TRAPPC9: variants seen among roughly 807,000 people sequenced by gnomAD.
The protein encoded by TRAPPC9 is trafficking protein particle complex subunit 9.
A neutral mutation model predicts 124.0 loss-of-function variants in TRAPPC9; 83 were observed. That is an observed-to-expected ratio of 0.67 (90% CI 0.56 to 0.80). The LOEUF is 0.80. Among genes scored for constraint, TRAPPC9 ranks in the 30% least tolerant of loss-of-function variants. The pLI is 0.00. For synonymous variants in TRAPPC9, 638 were observed against 617.5 expected, an observed-to-expected ratio of 1.03 and a Z score of -0.49; for missense variants, 1,302 against 1,508.3, an observed-to-expected ratio of 0.86 and a Z score of 2.27.
chr8:139,841,218 C>T (rs568315009), intron 21 of TRAPPC9, among the ~76,000 whole-genome samples: 185 of 152,318 alleles, frequency 1.2e-3, no homozygotes, highest in African/African-American at 4.3e-3. Context: ...TCTTCTGCCT[C>T]CCTCTTCTCC....
chr8:140,189,129 C>T (rs2062422042), intron 17 of TRAPPC9, among the ~76,000 whole-genome samples: 1 of 152,236 alleles, frequency 6.6e-6, no homozygotes, highest in African/African-American at 2.4e-5. Context: ...AAACTGCCTT[C>T]TGCAAAATTG....
intron 18 of TRAPPC9, among the ~76,000 whole-genome samples, chr8:139,995,021 T>C (rs1302674081): frequency 6.6e-6 from 1 of 151,566 alleles, no homozygotes; most frequent in East Asian, 1.9e-4. Context: ...CTGGAAAAGA[T>C]GGAGTAAGCA....
At chr8:140,026,056 C>A (rs1051853271) in intron 17 of TRAPPC9, among the ~76,000 whole-genome samples, 1 of 152,174 alleles carries the variant, frequency 6.6e-6, no homozygotes, top group African/African-American at 2.4e-5. Flanking sequence ...TTTTGTCTTC[C>A]TGAATTTGAC....
Position 140,216,439 on chromosome 8 carries a change from T to C in TRAPPC9, c.2556+5020A>G, listed in dbSNP as rs2063196388. On this transcript the variant is annotated intron_variant, in intron 17 of 22. Coordinates refer to ENST00000438773, the MANE Select transcript of TRAPPC9 (RefSeq NM_001160372.4). This position sits in a 1 kb window ranked among gnomAD's most constrained non-coding sequence, Gnocchi z 4.1. The stretch of plus-strand genomic sequence containing the variant: ...AGAGCATCTCCTAGATTTTGAAATG[T>C]TACCCTAAACTGTAAGAGCCTATCC... Among the ~76,000 whole-genome samples, 1 of 152,160 alleles carries C rather than the reference T, an allele frequency of 6.6e-6. No individual in the cohort carries two copies. The highest frequency in any genetic ancestry group is 2.4e-5 in the African/African-American group (1 of 41,430).
chr8:140,117,493 CT>C (rs2060910548), intron 17 of TRAPPC9, among the ~76,000 whole-genome samples: 1 of 152,126 alleles, frequency 6.6e-6, no homozygotes, highest in African/African-American at 2.4e-5. Context: ...ACGCTGGTTC[CT>C]CACATGACAG....
chr8:140,286,228 C>T (rs542695286), intron 13 of TRAPPC9, among the ~76,000 whole-genome samples: 6 of 152,220 alleles, frequency 3.9e-5, no homozygotes, highest in African/African-American at 7.2e-5. Context: ...AAAGAGTCTT[C>T]GGAGACTGAA....
intron 21 of TRAPPC9, among the ~76,000 whole-genome samples, chr8:139,845,259 G>A (rs1226919037): frequency 1.3e-5 from 2 of 152,228 alleles, no homozygotes; most frequent in Non-Finnish European, 2.9e-5. Flanking sequence ...TGGGGAGGGG[G>A]AAAGGAGCTG....
At chr8:139,751,103 C>G (rs1429033108) in intron 21 of TRAPPC9, among the ~76,000 whole-genome samples, 1 of 152,150 alleles carries the variant, frequency 6.6e-6, no homozygotes, top group Non-Finnish European at 1.5e-5. Flanking sequence ...AATCAATACG[C>G]CATTTAAAAT....
intron 18 of TRAPPC9, among the ~76,000 whole-genome samples, chr8:139,998,753 A>G (rs1212609217): frequency 6.6e-6 from 1 of 152,166 alleles, no homozygotes; most frequent in Non-Finnish European, 1.5e-5. Context: ...AAACAAAACA[A>G]AAAAAAACAA....
chr8:140,190,159 A>C (rs1476595605), intron 17 of TRAPPC9, among the ~76,000 whole-genome samples: 2 of 152,292 alleles, frequency 1.3e-5, no homozygotes, highest in Non-Finnish European at 2.9e-5. Flanking sequence ...CTATAATAAC[A>C]ACCACCACTA....
chr8:140,326,614 G>T (rs531520188), intron 9 of TRAPPC9, among the ~76,000 whole-genome samples: 3 of 152,152 alleles, frequency 2.0e-5, no homozygotes, highest in African/African-American at 7.2e-5. Context: ...GATGGCTCAC[G>T]CCTGTAATCC....
intron 21 of TRAPPC9, among the ~76,000 whole-genome samples, chr8:139,884,933 G>A (rs1829907419): frequency 6.6e-6 from 1 of 152,208 alleles, no homozygotes; most frequent in African/African-American, 2.4e-5. Context: ...CAGGCTGAAG[G>A]GCGCTGGTGG....
At chr8:139,991,276 G>T (rs1206977020) in intron 18 of TRAPPC9, among the ~76,000 whole-genome samples, 1 of 152,196 alleles carries the variant, frequency 6.6e-6, no homozygotes, top group Admixed American at 6.5e-5. Context: ...TTACGAAATG[G>T]CACAGGAATG....
At chr8:139,963,521 G>A (rs964757994) in intron 19 of TRAPPC9, among the ~76,000 whole-genome samples, 5 of 152,042 alleles carry the variant, frequency 3.3e-5, no homozygotes, top group Non-Finnish European at 4.4e-5. Flanking sequence ...TGGGAGACTC[G>A]TCCTTTCAGT....
rs1840508040 is a variant in TRAPPC9, at chr8:140,031,741, C to T, written c.2557-7662G>A. On this transcript the variant is annotated intron_variant, in intron 17 of 22. Transcript: ENST00000438773. ...CAGTGTTAATGATGCCTTCAAGATG[C>T]CAAGTAACTACAAATTAAGTGATCC... Among the ~76,000 whole-genome samples, 3 of 152,190 alleles carry T rather than the reference C, an allele frequency of 2.0e-5. No homozygotes were observed. The South Asian group carries it at 6.2e-4, about 32-fold the overall frequency.
chr8:139,924,492 C>T (rs367655205), intron 19 of TRAPPC9, among the ~76,000 whole-genome samples: 2 of 152,234 alleles, frequency 1.3e-5, no homozygotes, highest in Non-Finnish European at 1.5e-5. Flanking sequence ...ACGTGTACCA[C>T]GGGACTGCAT....
At chr8:140,397,835 T>C in intron 6 of TRAPPC9, 90 bp from the exon 7 acceptor site, 1 of 1,541,210 alleles carries the variant, frequency 6.5e-7, no homozygotes, top group Non-Finnish European at 8.9e-7. Flanking sequence ...ACTCAATAAC[T>C]ACAACAGCAC....
intron 19 of TRAPPC9, among the ~76,000 whole-genome samples, 170 bp downstream of exon 19, chr8:139,988,556 C>G: frequency 6.6e-6 from 1 of 152,284 alleles, no homozygotes; most frequent in South Asian, 2.1e-4. Flanking sequence ...TAATTTAAAA[C>G]GACTCCAGAT....
intron 20 of TRAPPC9, among the ~76,000 whole-genome samples, chr8:139,887,691 G>A (rs1482234610): frequency 6.6e-6 from 1 of 152,146 alleles, no homozygotes; most frequent in Non-Finnish European, 1.5e-5. Flanking sequence ...TTCTCCTGCA[G>A]GAACCCTCCA....
Sources: gnomAD v4.1 joint callset for allele counts (sites outside exome capture counted in the v4.1 genomes callset) on GRCh38, gnomAD v4.1.1 for gene constraint, Gnocchi (gnomAD v3.1) non-coding constraint, MANE v1.5 for transcripts, NCBI Gene and HGNC (gene_info 2026-07-23, HGNC 2026-07-21) for gene names.